The following KLRG2 variants were observed in gnomAD, a reference collection of about 807,000 sequenced individuals.
The protein encoded by KLRG2 is killer cell lectin like receptor G2.
Under a neutral mutation model 35.4 loss-of-function variants are expected in KLRG2, and 39 were observed. The ratio of observed to expected loss-of-function variants is 1.10; its 90% confidence interval spans 0.85 to 1.44. KLRG2 has a LOEUF of 1.44. Ranked by LOEUF, KLRG2 falls within the 40% of genes most tolerant of loss-of-function variation. The pLI, the probability that KLRG2 is intolerant of heterozygous loss-of-function variation, is 0.00. For synonymous variants in KLRG2, 283 were observed against 265.8 expected (o/e 1.06, Z -0.63); for missense variants, 632 against 570.9 (o/e 1.11, Z -1.09).
the KLRG2 span, among the ~76,000 whole-genome samples, chr7:139,431,370 G>A: frequency 1.3e-5 from 2 of 152,012 alleles, no homozygotes; most frequent in Non-Finnish European, 2.9e-5. Flanking sequence ...TCTTAAAATA[G>A]ATACACTTTC....
At chr7:139,439,894 A>AC in the KLRG2 span, among the ~76,000 whole-genome samples, 1 of 152,154 alleles carries the variant, frequency 6.6e-6, no homozygotes, top group Non-Finnish European at 1.5e-5. Flanking sequence ...ATTAAAAAAA[A>AC]CCAAAAACCC....
intron 3 of KLRG2, among the ~76,000 whole-genome samples, chr7:139,471,950 C>A (rs940328858): frequency 2.0e-5 from 3 of 152,312 alleles, no homozygotes; most frequent in African/African-American, 7.2e-5. Context: ...AAGCACAATA[C>A]AGAAGGTGGG....
intron 1 of KLRG2, among the ~76,000 whole-genome samples, chr7:139,482,382 A>G (rs1297949790): frequency 1.3e-5 from 2 of 151,824 alleles, no homozygotes; most frequent in Admixed American, 1.3e-4. Context: ...GAGGATGAGA[A>G]GGGGAGTGGC....
chr7:139,462,644 AC>A (rs1796587417), intron 3 of KLRG2, among the ~76,000 whole-genome samples: 1 of 152,174 alleles, frequency 6.6e-6, no homozygotes, highest in Non-Finnish European at 1.5e-5. Context: ...TGCAAACTTG[AC>A]AATGGTTCCA....
intron 3 of KLRG2, among the ~76,000 whole-genome samples, chr7:139,472,757 C>A (rs1442256920): frequency 2.0e-5 from 3 of 152,060 alleles, no homozygotes; most frequent in Non-Finnish European, 4.4e-5. Flanking sequence ...TGAGAAGCCC[C>A]CAAAGCTTAA....
the KLRG2 span, among the ~76,000 whole-genome samples, chr7:139,447,221 G>A: frequency 6.6e-6 from 1 of 152,100 alleles, no homozygotes; most frequent in Non-Finnish European, 1.5e-5. Flanking sequence ...TAACAACAGG[G>A]AAATGTCTGA....
At chr7:139,454,837 TAATAA>T (rs1030180044) in intron 3 of KLRG2, among the ~76,000 whole-genome samples, 2 of 76,868 alleles carry the variant, frequency 2.6e-5, no homozygotes, top group African/African-American at 9.4e-5. Flanking sequence ...ATAATAATAA[TAATAA>T]TAATAATAAT....
At chr7:139,445,038 A>G in the KLRG2 span, among the ~76,000 whole-genome samples, 1 of 151,822 alleles carries the variant, frequency 6.6e-6, no homozygotes, top group African/African-American at 2.4e-5. Context: ...CCTCCTTTCC[A>G]CTAAGGGGAA....
chr7:139,471,566 T>C (rs1299518370), intron 3 of KLRG2, among the ~76,000 whole-genome samples: 1 of 152,004 alleles, frequency 6.6e-6, no homozygotes, highest in East Asian at 1.9e-4. Context: ...AAGGCTGAGA[T>C]GGGAGGATCA....
chr7:139,479,561 T>C (rs1796915827), intron 3 of KLRG2, 66 bp downstream of exon 3: 2 of 1,482,920 alleles, frequency 1.3e-6, no homozygotes, highest in East Asian at 4.5e-5. Flanking sequence ...TAAGCTTCTT[T>C]CCAGTGCTAG....
intron 3 of KLRG2, among the ~76,000 whole-genome samples, chr7:139,470,043 C>T (rs1796729751): frequency 6.6e-6 from 1 of 151,902 alleles, no homozygotes; most frequent in Admixed American, 6.6e-5. Flanking sequence ...AGAAAAGAAA[C>T]AGGGCATGGG....
downstream of KLRG2, among the ~76,000 whole-genome samples, chr7:139,452,318 C>G (rs1796388985): frequency 6.6e-6 from 1 of 152,062 alleles, no homozygotes; most frequent in Admixed American, 6.6e-5. Context: ...TGTGAGAAGG[C>G]AGGGATAGCA....
downstream of KLRG2, among the ~76,000 whole-genome samples, chr7:139,451,743 TACA>T (rs1204234664): frequency 6.6e-6 from 1 of 151,998 alleles, no homozygotes; most frequent in African/African-American, 2.4e-5. Flanking sequence ...TAACACTGAG[TACA>T]ACACTTCCCT....
chr7:139,458,441 T>G (rs1330356991), intron 3 of KLRG2, among the ~76,000 whole-genome samples: 1 of 152,072 alleles, frequency 6.6e-6, no homozygotes, highest in Non-Finnish European at 1.5e-5. Context: ...ATTTTAACCA[T>G]GATAAGTGTA....
chr7:139,430,072 A>T, the KLRG2 span, among the ~76,000 whole-genome samples: 1 of 152,246 alleles, frequency 6.6e-6, no homozygotes, highest in Non-Finnish European at 1.5e-5. Flanking sequence ...CGTTGAGCAC[A>T]TAAAAGGAGA....
chr7:139,433,393 T>C, the KLRG2 span, among the ~76,000 whole-genome samples: 1 of 152,076 alleles, frequency 6.6e-6, no homozygotes, highest in African/African-American at 2.4e-5. Flanking sequence ...TGGCACAATC[T>C]TGGCTCACCA....
chr7:139,480,639 G>T (rs1004112887), intron 1 of KLRG2, among the ~76,000 whole-genome samples: 1 of 150,622 alleles, frequency 6.6e-6, no homozygotes, highest in African/African-American at 2.4e-5. Flanking sequence ...TAGAGACGGG[G>T]TTTCACCATG....
rs769808018 is a variant in KLRG2 at position 139,453,409 on chromosome 7, C to T, written c.*178G>A. ...AGGCCATAGAAAATCTCCTTTCCCT[C>T]GGATGCATCTTCCTGGGTTGAAGTC... On this transcript the variant is annotated 3_prime_UTR_variant, in exon 5 of 5. Transcript: ENST00000340940. 2.8e-4 allele frequency: 170 copies of T among 612,328 alleles called. No homozygotes were observed. The highest frequency in any genetic ancestry group is 8.8e-4 in the Admixed American group (28 of 31,692). 37.9% of individuals were successfully genotyped at this position (612,328 alleles called of 1,614,324 possible).
intron 3 of KLRG2, among the ~76,000 whole-genome samples, chr7:139,462,573 A>T (rs1796586528): frequency 6.6e-6 from 1 of 151,770 alleles, no homozygotes; most frequent in South Asian, 2.1e-4. Flanking sequence ...AACCTCTTCA[A>T]CTCACACCTG....
Sources: gnomAD v4.1 joint callset for allele counts (sites outside exome capture counted in the v4.1 genomes callset) on GRCh38, gnomAD v4.1.1 for gene constraint, MANE v1.5 for transcripts, NCBI Gene and HGNC (gene_info 2026-07-23, HGNC 2026-07-21) for gene names.